The following DPP10 variants were observed in gnomAD, a reference collection of about 807,000 sequenced individuals.
The protein encoded by DPP10 is inactive dipeptidyl peptidase 10.
A neutral mutation model predicts 120.9 loss-of-function variants in DPP10; 33 were observed. That is an observed-to-expected ratio of 0.27 (90% CI 0.21 to 0.37). The LOEUF (loss-of-function observed/expected upper bound fraction) is 0.37, where lower values mean the gene tolerates loss of function less well. Among genes scored for constraint, DPP10 ranks in the 10% least tolerant of loss-of-function variants. The pLI is 1.00. For missense variants in DPP10, 816 were observed against 942.8 expected (o/e 0.87, Z 1.76); for synonymous variants, 337 against 326.1 (o/e 1.03, Z -0.36).
intron 21 of DPP10, among the ~76,000 whole-genome samples, chr2:115,820,415 G>T (rs1470544344): frequency 6.6e-6 from 1 of 150,864 alleles, no homozygotes; most frequent in Non-Finnish European, 1.5e-5. Flanking sequence ...TTTGTTTAGT[G>T]AATTGATTTT....
At chr2:115,001,061 C>G (rs761685004) in intron 1 of DPP10, among the ~76,000 whole-genome samples, 3 of 152,094 alleles carry the variant, frequency 2.0e-5, no homozygotes, top group Admixed American at 6.5e-5. Flanking sequence ...CTTTGAGAAC[C>G]ATTAACTTGT....
intron 1 of DPP10, among the ~76,000 whole-genome samples, chr2:115,067,100 T>A (rs1211313499): frequency 6.6e-6 from 1 of 152,212 alleles, no homozygotes; most frequent in African/African-American, 2.4e-5. Flanking sequence ...ATCATTTTTC[T>A]CTCTGTTTCT....
At chr2:114,443,080 A>T (rs10180693) in intron 1 of DPP10, among the ~76,000 whole-genome samples, 85,901 of 151,508 alleles carry the variant, frequency 0.57, 24,655 homozygotes, top group Middle Eastern at 0.77. Context: ...AATCTATCAG[A>T]GGTATATTTC....
chr2:115,507,670 C>G (rs535996983), intron 4 of DPP10, among the ~76,000 whole-genome samples: 7 of 152,214 alleles, frequency 4.6e-5, no homozygotes, highest in Non-Finnish European at 8.8e-5. Context: ...AAGATTTATA[C>G]TGAGTTTTGT....
chr2:115,818,931 A>C (rs546561378), intron 21 of DPP10, among the ~76,000 whole-genome samples: 5 of 152,324 alleles, frequency 3.3e-5, no homozygotes, highest in African/African-American at 9.6e-5. Flanking sequence ...TTCCAGGTCA[A>C]ACAAATATGC....
intron 1 of DPP10, among the ~76,000 whole-genome samples, chr2:114,628,305 A>C (rs6730573): frequency 0.13 from 19,053 of 152,040 alleles, 1,777 homozygotes; most frequent in African/African-American, 0.26. Flanking sequence ...TCTTTGTAAA[A>C]CCCAAAAAGT....
chr2:114,617,657 G>C lies in DPP10; in HGVS notation c.60+174819G>C, dbSNP rs1573802870. On this transcript the variant is annotated intron_variant, in intron 1 of 25. Coordinates refer to ENST00000410059, the MANE Select transcript of DPP10 (RefSeq NM_020868.6). ...CTCATTTAAAGGCTGTATCCAGAAGGGGTCAGTAAGCTGCATAAAGATAAG... is the reference window on the plus strand; with the variant it reads ...CTCATTTAAAGGCTGTATCCAGAAGCGGTCAGTAAGCTGCATAAAGATAAG... 4.6e-5 allele frequency among the ~76,000 whole-genome samples: 7 copies of C among 152,092 alleles called. No individual in the cohort carries two copies. The South Asian group carries it at 1.2e-3, about 27-fold the overall frequency.
At chr2:115,204,221 G>A (rs1271961201) in intron 1 of DPP10, among the ~76,000 whole-genome samples, 1 of 152,134 alleles carries the variant, frequency 6.6e-6, no homozygotes, top group Admixed American at 6.6e-5. Flanking sequence ...AAAAGGCTAA[G>A]TGACCGCTTT....
chr2:115,734,259 A>T (rs1287786585), intron 8 of DPP10, among the ~76,000 whole-genome samples: 2 of 152,194 alleles, frequency 1.3e-5, no homozygotes, highest in Admixed American at 6.5e-5. Context: ...GAAGTACTGG[A>T]CACACATATT....
chr2:115,131,522 CAAG>C (rs1220165673), intron 1 of DPP10, among the ~76,000 whole-genome samples: 10 of 151,624 alleles, frequency 6.6e-5, no homozygotes, highest in Non-Finnish European at 1.5e-4. Flanking sequence ...CAAAAAGTAA[CAAG>C]AAGAAGAAGG....
chr2:115,774,113 A>G (rs1474454175), intron 13 of DPP10, among the ~76,000 whole-genome samples: 1 of 151,960 alleles, frequency 6.6e-6, no homozygotes, highest in Non-Finnish European at 1.5e-5. Context: ...AATCATATAT[A>G]ATATTTTTTA....
At chr2:114,653,027 AGTGTGTGTGTGTGTGTGT>A (rs10528455) in intron 1 of DPP10, among the ~76,000 whole-genome samples, 1 of 135,774 alleles carries the variant, frequency 7.4e-6, no homozygotes, top group Non-Finnish European at 1.5e-5. Context: ...AGAGAGAGAG[AGTGTGTGTGTGTGTGTGT>A]GTGTGTGTGT....
intron 1 of DPP10, among the ~76,000 whole-genome samples, chr2:114,643,938 T>A (rs866842395): frequency 0.019 from 2,693 of 138,194 alleles, 27 homozygotes; most frequent in African/African-American, 0.025. Flanking sequence ...TATATATATT[T>A]TTTTTTTTTT....
chr2:114,930,264 G>T (rs1279146844), intron 1 of DPP10, among the ~76,000 whole-genome samples: 3 of 151,998 alleles, frequency 2.0e-5, no homozygotes, highest in African/African-American at 7.3e-5. Flanking sequence ...CGCATAGCCA[G>T]GCTGAAAATT....
At chr2:114,824,116 AGAG>A (rs1220751629) in intron 1 of DPP10, among the ~76,000 whole-genome samples, 4 of 152,192 alleles carry the variant, frequency 2.6e-5, no homozygotes, top group African/African-American at 9.6e-5. Flanking sequence ...AGTTTTAACC[AGAG>A]TAGTCTTATG....
intron 1 of DPP10, among the ~76,000 whole-genome samples, chr2:115,083,219 CCT>C (rs1417810299): frequency 6.6e-6 from 1 of 152,094 alleles, no homozygotes; most frequent in East Asian, 1.9e-4. Context: ...ACAAACTCTC[CCT>C]GTTGGATCTC....
intron 7 of DPP10, among the ~76,000 whole-genome samples, chr2:115,715,339 CA>C (rs546857779): frequency 1.2e-3 from 83 of 67,648 alleles, no homozygotes; most frequent in African/African-American, 5.6e-3. Flanking sequence ...AACTCCGTCT[CA>C]AAAAAAAAAA....
rs557643029 is a variant in DPP10 at position 114,509,313 on chromosome 2, T to G, written c.60+66475T>G. On this transcript the variant is annotated intron_variant, in intron 1 of 25. Coordinates refer to ENST00000410059, the MANE Select transcript of DPP10 (RefSeq NM_020868.6). ...AATCATAATTGTTATGAAGATTTGT[T>G]GAATCCTAACTACCTACCTACTTTA... Among the ~76,000 whole-genome samples, 503 of 152,374 alleles carry G rather than the reference T, an allele frequency of 3.3e-3. 1 individual carries two copies. Among genetic ancestry groups the G allele is most frequent in the African/African-American group, 0.011 (475 of 41,594 alleles).
At chr2:115,529,458 AGT>A (rs778787418) in intron 5 of DPP10, among the ~76,000 whole-genome samples, 1 of 32,818 alleles carries the variant, frequency 3.0e-5, no homozygotes, top group African/African-American at 7.1e-5. Context: ...TGGTGGCAAA[AGT>A]TTTTTTTTTT....
Sources: gnomAD v4.1 joint callset for allele counts (sites outside exome capture counted in the v4.1 genomes callset) on GRCh38, gnomAD v4.1.1 for gene constraint, MANE v1.5 for transcripts, NCBI Gene and HGNC (gene_info 2026-07-23, HGNC 2026-07-21) for gene names.